The following ADGRL3 variants were observed in gnomAD, a reference collection of about 807,000 sequenced individuals.
ADGRL3 encodes the protein adhesion G protein-coupled receptor L3, also known as calcium-independent alpha-latrotoxin receptor 3.
ADGRL3 carries 62 observed loss-of-function variants against 153.5 expected under a neutral mutation model. The ratio of observed to expected loss-of-function variants is 0.40; its 90% CI spans 0.33 to 0.50. The LOEUF is 0.50. ADGRL3 is among the 20% of genes least tolerant of loss of function. The pLI is 0.47. For missense variants in ADGRL3, 1,641 were observed against 1,859.4 expected (o/e 0.88, Z 2.16); for synonymous variants, 710 against 672.5 (o/e 1.06, Z -0.86).
chr4:61,635,839 G>A (rs897882266), intron 5 of ADGRL3, among the ~76,000 whole-genome samples: 2 of 151,946 alleles, frequency 1.3e-5, no homozygotes, highest in African/African-American at 4.8e-5. Flanking sequence ...TCTTCACATT[G>A]TCTTTCCCTC....
At chr4:61,482,111 A>G (rs2098137839) in intron 2 of ADGRL3, among the ~76,000 whole-genome samples, 2 of 152,204 alleles carry the variant, frequency 1.3e-5, no homozygotes, top group Admixed American at 6.5e-5. Flanking sequence ...CCAAAACAAG[A>G]AAGCAGAGAT....
At chr4:61,783,273 T>C (rs1458916465) in intron 8 of ADGRL3, among the ~76,000 whole-genome samples, 2 of 152,156 alleles carry the variant, frequency 1.3e-5, no homozygotes, top group Non-Finnish European at 2.9e-5. Context: ...CTTATCCTTT[T>C]GTCATGCCAC....
chr4:61,411,860 C>T (rs1431802014), intron 2 of ADGRL3, among the ~76,000 whole-genome samples: 2 of 152,040 alleles, frequency 1.3e-5, no homozygotes, highest in African/African-American at 4.8e-5. Flanking sequence ...AAGAGAAAAT[C>T]ACTTTGAAAA....
intron 5 of ADGRL3, among the ~76,000 whole-genome samples, chr4:61,655,694 T>C (rs777184761): frequency 2.6e-5 from 4 of 152,210 alleles, no homozygotes; most frequent in Non-Finnish European, 4.4e-5. Context: ...AAAAGTTTTC[T>C]AATCAGTGAT....
At chr4:62,058,352 A>G (rs1335986115) in intron 25 of ADGRL3, among the ~76,000 whole-genome samples, 2 of 152,192 alleles carry the variant, frequency 1.3e-5, no homozygotes, top group African/African-American at 4.8e-5. Flanking sequence ...TAGGAGCTGG[A>G]CAATTGACAC....
In ADGRL3 at chr4:61,542,667, A is replaced by T. The variant is rs779945766; in HGVS notation, c.259+25149A>T. Reference sequence around the variant, plus strand: ...AGCAGTTGCTTATGCATCATAGTCCATTAAGGGGATGGAATGATTTACTTT... The same window carrying T: ...AGCAGTTGCTTATGCATCATAGTCCTTTAAGGGGATGGAATGATTTACTTT... On this transcript the variant is annotated intron_variant, in intron 4 of 26. Coordinates refer to ENST00000683033, the MANE Select transcript of ADGRL3 (RefSeq NM_001387552.1). Among the ~76,000 whole-genome samples, 10 of 152,072 alleles carry T rather than the reference A, an allele frequency of 6.6e-5. No individual in the cohort carries two copies. The East Asian group carries it at 1.5e-3, about 23-fold the overall frequency.
At chr4:61,210,548 C>CA (rs1217817977) in intron 1 of ADGRL3, among the ~76,000 whole-genome samples, 38 of 152,012 alleles carry the variant, frequency 2.5e-4, no homozygotes, top group African/African-American at 8.2e-4. Flanking sequence ...GTTTGTTTCC[C>CA]CCTTCCCCAT....
intron 1 of ADGRL3, among the ~76,000 whole-genome samples, chr4:61,279,456 C>A (rs1015079149): frequency 6.6e-6 from 1 of 152,082 alleles, no homozygotes; most frequent in Admixed American, 6.6e-5. Context: ...AATATTGTAA[C>A]GAGAGATTTC....
intron 15 of ADGRL3, among the ~76,000 whole-genome samples, chr4:61,945,652 A>T (rs1349632159): frequency 1.4e-5 from 2 of 142,460 alleles, no homozygotes; most frequent in East Asian, 4.3e-4. Context: ...GCCGTTTCTT[A>T]AGCCGGTCTG....
chr4:61,923,682 C>T (rs1028356093), intron 13 of ADGRL3, among the ~76,000 whole-genome samples: 4 of 152,150 alleles, frequency 2.6e-5, no homozygotes, highest in African/African-American at 4.8e-5. Flanking sequence ...ACACCCACTT[C>T]GTATGTCAAT....
At chr4:61,825,081 GCT>G (rs2097788899) in intron 9 of ADGRL3, among the ~76,000 whole-genome samples, 1 of 152,174 alleles carries the variant, frequency 6.6e-6, no homozygotes, top group Non-Finnish European at 1.5e-5. Context: ...GCTAGTGATA[GCT>G]CTGGGTCCAG....
chr4:61,946,764 C>T (rs1374115738), intron 15 of ADGRL3, 150 bp from the exon 16 acceptor site: 1 of 667,916 alleles, frequency 1.5e-6, no homozygotes, highest in African/African-American at 1.8e-5. Flanking sequence ...TTTGAATTTC[C>T]TCTCCTCATA....
At chr4:61,681,605 C>A (rs963632603) in intron 6 of ADGRL3, among the ~76,000 whole-genome samples, 43 of 151,790 alleles carry the variant, frequency 2.8e-4, no homozygotes, top group Admixed American at 2.1e-3. Context: ...TATGAACAGG[C>A]AAGAAAAATG....
rs190507370 is a variant in ADGRL3 at position 61,714,372 on chromosome 4, A to G, written c.584-16250A>G. Among the ~76,000 whole-genome samples the G allele has an allele frequency of 2.4e-4, 36 of 151,712 alleles. 2 individuals are homozygous for G. In the East Asian group the frequency reaches 6.6e-3, roughly 28 times the overall value. On this transcript the variant is annotated intron_variant, in intron 6 of 26. Coordinates refer to ENST00000683033, the MANE Select transcript of ADGRL3 (RefSeq NM_001387552.1). ...TATGTATACTTGAGTACACACACAC[A>G]CAAACACACACACACACACACATAT...
At chr4:61,483,978 A>G (rs1397695044) in intron 2 of ADGRL3, among the ~76,000 whole-genome samples, 1 of 151,774 alleles carries the variant, frequency 6.6e-6, no homozygotes, top group Non-Finnish European at 1.5e-5. Flanking sequence ...TTCTGCTCAT[A>G]TATTTAAATA....
intron 25 of ADGRL3, among the ~76,000 whole-genome samples, chr4:62,064,710 G>T (rs548462219): frequency 3.3e-5 from 5 of 151,112 alleles, no homozygotes; most frequent in Non-Finnish European, 7.4e-5. Flanking sequence ...AAAGATTAGT[G>T]GTGTGTATGT....
At position 61,327,327 on chromosome 4, in the gene ADGRL3, GTT is replaced by G. The variant is rs34802648; in HGVS notation, c.-239-55785_-239-55784del. ...TAAGCTACACATTGAGTTTTACTCA[GTT>G]TTTTTTTTTTTAATTTTGCTGGCTA... On this transcript the variant is annotated intron_variant, in intron 1 of 26. Coordinates refer to ENST00000683033, the MANE Select transcript of ADGRL3 (RefSeq NM_001387552.1). 4.3e-4 allele frequency among the ~76,000 whole-genome samples: 62 copies of G among 144,444 alleles called. No homozygotes were observed. In the East Asian group the frequency reaches 4.7e-3, roughly 11 times the overall value. 94.8% of individuals were successfully genotyped at this position (144,444 alleles called of 152,430 possible).
In ADGRL3 at chr4:61,618,978, A is replaced by G. The variant is rs577207774; in HGVS notation, c.473+31538A>G. 3.9e-5 allele frequency among the ~76,000 whole-genome samples: 6 copies of G among 152,296 alleles called. No homozygotes were observed. In the South Asian group the frequency reaches 1.2e-3, roughly 32 times the overall value. On this transcript the variant is annotated intron_variant, in intron 5 of 26. Transcript: ENST00000683033. ...ACCGTCTGCCCTCCTTGGGCCTCCC[A>G]AAGTACTGGGATTACAGGCATGAGC...
At chr4:61,646,348 G>T (rs2093983548) in intron 5 of ADGRL3, among the ~76,000 whole-genome samples, 1 of 152,058 alleles carries the variant, frequency 6.6e-6, no homozygotes, top group African/African-American at 2.4e-5. Flanking sequence ...TCCTTTGGAG[G>T]AGGAGAGGCA....
Sources: allele counts gnomAD v4.1 joint callset (sites outside exome capture counted in the v4.1 genomes callset), GRCh38; gene constraint gnomAD v4.1.1; transcripts MANE v1.5; gene names NCBI Gene and HGNC (gene_info 2026-07-23, HGNC 2026-07-21).